Variants in ZNF410 observed in about 807,000 individuals in gnomAD.
ZNF410 encodes the protein another partner for ARF 1.
ZNF410 carries 18 observed loss-of-function variants against 54.8 expected under a neutral mutation model. That is an observed-to-expected ratio of 0.33 (90% CI 0.23 to 0.49). The LOEUF (loss-of-function observed/expected upper bound fraction) is 0.49, where lower values mean the gene tolerates loss of function less well. Ranked by LOEUF, ZNF410 falls within the 20% of genes least tolerant of loss-of-function variation. The pLI, the probability that ZNF410 is intolerant of heterozygous loss-of-function variation, is 0.99. For synonymous variants in ZNF410, 191 were observed against 207.3 expected (o/e 0.92, Z 0.68); for missense variants, 405 against 569.6 (o/e 0.71, Z 2.94).
At chr14:73,926,062 CTGTTCT>C (rs1179546371) in intron 11 of ZNF410, among the ~76,000 whole-genome samples, 1 of 152,104 alleles carries the variant, frequency 6.6e-6, no homozygotes, top group Admixed American at 6.6e-5. Flanking sequence ...TAACTTTATA[CTGTTCT>C]TGTTTTATCT....
intron 5 of ZNF410, chr14:73,898,569 CAT>C (rs2055358339): frequency 2.1e-6 from 1 of 468,966 alleles, no homozygotes; most frequent in Admixed American, 3.8e-5. Context: ...TATGCAAAAA[CAT>C]AAATTCTGTG....
intron 8 of ZNF410, among the ~76,000 whole-genome samples, chr14:73,917,802 G>A (rs1220360201): frequency 6.6e-6 from 1 of 152,194 alleles, no homozygotes; most frequent in Admixed American, 6.5e-5. Context: ...CAGCCTGGGT[G>A]ACAGAGTGAG....
chr14:73,931,203 T>TA (rs1188224912), intron 11 of ZNF410, among the ~76,000 whole-genome samples: 2 of 152,172 alleles, frequency 1.3e-5, no homozygotes, highest in Non-Finnish European at 2.9e-5. Flanking sequence ...CCCTGTAAGT[T>TA]AGAGATTCCT....
At chr14:73,895,242 C>T (rs934139876) in intron 3 of ZNF410, 2 of 152,130 alleles carry the variant, frequency 1.3e-5, no homozygotes, top group African/African-American at 4.8e-5. Context: ...CTTAGAATGA[C>T]TGTTATCTTA....
Position 73,931,748 on chromosome 14 carries a change from G to A in ZNF410, c.*207G>A, listed in dbSNP as rs2055919439. On this transcript the variant is annotated 3_prime_UTR_variant, in exon 12 of 12. Transcript: ENST00000555044. Reference sequence around the variant, plus strand: ...ACCATCTGATCAGACAAGGAATGAAGCAATGACTGTGGGCTGGGAAACTGT... The same window carrying A: ...ACCATCTGATCAGACAAGGAATGAAACAATGACTGTGGGCTGGGAAACTGT... 1 of 575,372 alleles carries A rather than the reference G, an allele frequency of 1.7e-6. No homozygotes were observed. 35.6% of individuals were successfully genotyped at this position (575,372 alleles called of 1,614,324 possible).
intron 4 of ZNF410, 71 bp downstream of exon 4, chr14:73,896,605 A>C: frequency 1.7e-6 from 2 of 1,175,054 alleles, no homozygotes; most frequent in Non-Finnish European, 2.5e-6. Context: ...TATTTAACTT[A>C]GTCATACTTA....
At chr14:73,929,145 A>G (rs2055875457) in intron 11 of ZNF410, among the ~76,000 whole-genome samples, 1 of 152,008 alleles carries the variant, frequency 6.6e-6, no homozygotes, top group Non-Finnish European at 1.5e-5. Context: ...TCTGAGCCTC[A>G]CTTCTTTTGT....
Position 73,905,309 on chromosome 14 carries a change from G to T in ZNF410, c.913+226G>T, listed in dbSNP as rs1197909830. 2.8e-5 allele frequency: 12 copies of T among 427,458 alleles called. No homozygotes were observed. In the East Asian group the frequency reaches 4.2e-4, roughly 15 times the overall value. 26.5% of individuals were successfully genotyped at this position (427,458 alleles called of 1,614,324 possible). A position where few individuals can be genotyped will look rare whatever the true frequency, so the allele number is the denominator to read the frequency against. Reference sequence around the variant, plus strand: ...ACAGTGTTGATTTCTGTTTTCAGGAGCCTAACCTGCAGGGAGAGCTGTAAG... The same window carrying T: ...ACAGTGTTGATTTCTGTTTTCAGGATCCTAACCTGCAGGGAGAGCTGTAAG... On this transcript the variant is annotated intron_variant, in intron 7 of 11. Coordinates refer to ENST00000555044, the MANE Select transcript of ZNF410 (RefSeq NM_021188.3).
At chr14:73,917,268 T>C (rs1344075234) in intron 8 of ZNF410, among the ~76,000 whole-genome samples, 1 of 152,202 alleles carries the variant, frequency 6.6e-6, no homozygotes, top group African/African-American at 2.4e-5. Flanking sequence ...CTTAGAATAA[T>C]ACTATGTTTA....
At chr14:73,925,302 A>G (rs2055813087) in intron 11 of ZNF410, among the ~76,000 whole-genome samples, 1 of 151,816 alleles carries the variant, frequency 6.6e-6, no homozygotes, top group Non-Finnish European at 1.5e-5. Flanking sequence ...TCTTGTCTTC[A>G]TTTTTCTATT....
chr14:73,895,048 G>C (rs1376325776), intron 3 of ZNF410, among the ~76,000 whole-genome samples: 1 of 152,170 alleles, frequency 6.6e-6, no homozygotes, highest in African/African-American at 2.4e-5. Flanking sequence ...TGTAGTCCCA[G>C]CTGAGGTGGG....
chr14:73,903,279 C>A (rs1427689501), intron 5 of ZNF410, among the ~76,000 whole-genome samples: 1 of 152,088 alleles, frequency 6.6e-6, no homozygotes, highest in African/African-American at 2.4e-5. Flanking sequence ...TTTGTAGCAC[C>A]CTACTCAGGG....
rs1248709346 is a variant in ZNF410 at position 73,916,636 on chromosome 14, T to C, written c.1004-4344T>C. Reference sequence around the variant, plus strand: ...TCCTCCATGGAGTCCTGGTTCCTTATAGTTGGAACCACAGTCTGGGTGCCA... The same window carrying C: ...TCCTCCATGGAGTCCTGGTTCCTTACAGTTGGAACCACAGTCTGGGTGCCA... On this transcript the variant is annotated intron_variant, in intron 8 of 11. Transcript: ENST00000555044. The C allele has an allele frequency of 2.0e-5, 3 of 152,130 alleles. No individual in the cohort carries two copies. In the South Asian group the frequency reaches 6.2e-4, roughly 31 times the overall value. The allele number at this position is 152,130 out of a possible 1,614,324, so 9.4% of individuals were successfully genotyped here.
intron 5 of ZNF410, 70 bp from the exon 6 acceptor site, chr14:73,903,890 C>T: frequency 6.4e-7 from 1 of 1,574,244 alleles, no homozygotes; most frequent in Admixed American, 1.8e-5. Flanking sequence ...AATATAGGAG[C>T]TTTATTGTTT....
At chr14:73,925,127 G>T (rs1046604966) in intron 11 of ZNF410, among the ~76,000 whole-genome samples, 1 of 125,400 alleles carries the variant, frequency 8.0e-6, no homozygotes, top group Admixed American at 9.0e-5. Flanking sequence ...TAATGCTTTT[G>T]CCAGGACTTT....
chr14:73,904,272 C>T (rs2055449606), intron 6 of ZNF410, among the ~76,000 whole-genome samples, 162 bp downstream of exon 6: 1 of 152,154 alleles, frequency 6.6e-6, no homozygotes, highest in Non-Finnish European at 1.5e-5. Context: ...TTTGCATTGT[C>T]TCATTTATCT....
intron 2 of ZNF410, 79 bp downstream of exon 2, chr14:73,892,287 ACTTTTT>A: frequency 1.4e-6 from 2 of 1,447,230 alleles, no homozygotes; most frequent in Non-Finnish European, 1.9e-6. Flanking sequence ...GGGTCAGCAA[ACTTTTT>A]CTTTAATGGG....
chr14:73,921,315 G>A (rs955017131), intron 9 of ZNF410: 34 of 481,122 alleles, frequency 7.1e-5, no homozygotes, highest in Non-Finnish European at 1.1e-4. Flanking sequence ...TTGCTTGTCC[G>A]CCCACCAATA....
In ZNF410 at chr14:73,923,382, T is replaced by C. The variant is rs768681503; in HGVS notation, c.1271-13T>C. ...TTCACTTTTCATTGAAACATTTTTC[T>C]GTTGCTTCACAGAGGTGCTTGCTGA... On this transcript the variant is annotated splice_polypyrimidine_tract_variant and intron_variant, in intron 10 of 11. Coordinates refer to ENST00000555044, the MANE Select transcript of ZNF410 (RefSeq NM_021188.3). 10 of 1,609,168 alleles carry C rather than the reference T, an allele frequency of 6.2e-6. No homozygotes were observed. The East Asian group carries it at 2.2e-4, about 36-fold the overall frequency.
Sources: allele counts gnomAD v4.1 joint callset (sites outside exome capture counted in the v4.1 genomes callset), GRCh38; gene constraint gnomAD v4.1.1; transcripts MANE v1.5; gene names NCBI Gene and HGNC (gene_info 2026-07-23, HGNC 2026-07-21).